C6orf163: variants seen among roughly 807,000 people sequenced by gnomAD.
The protein encoded by C6orf163 is chromosome 6 open reading frame 163, also known as uncharacterized protein C6orf163.
Under a neutral mutation model 28.4 loss-of-function variants are expected in C6orf163, and 22 were observed. That is an observed-to-expected ratio of 0.78 (90% CI 0.55 to 1.11). C6orf163 has a LOEUF of 1.11. Among genes scored for constraint, C6orf163 ranks in the 50% least tolerant of loss-of-function variants. The pLI is 0.00. For missense variants in C6orf163, 342 were observed against 389.1 expected, an observed-to-expected ratio of 0.88 and a Z score of 1.02; for synonymous variants, 110 against 123.6, an observed-to-expected ratio of 0.89 and a Z score of 0.73.
At position 87,365,049 on chromosome 6, in the gene C6orf163, C is replaced by G. The variant is rs1398940336; in HGVS notation, c.643C>G (p.His215Asp). 6 of 1,551,692 alleles carry G rather than the reference C, an allele frequency of 3.9e-6. No individual in the cohort carries two copies. The highest frequency in any genetic ancestry group is 3.3e-4 in the Middle Eastern group (2 of 5,994). Residue 215 changes from histidine to aspartate, a missense_variant, in exon 5 of 5, where the codon CAT becomes GAT. Coordinates refer to ENST00000388923, the MANE Select transcript of C6orf163 (RefSeq NM_001010868.3). ...GGCCCGACTGATGAGGGAAAAAGAACATGAAATGAGCATCCTCTATGGCAT... is the reference window on the plus strand; with the variant it reads ...GGCCCGACTGATGAGGGAAAAAGAAGATGAAATGAGCATCCTCTATGGCAT... Reference protein sequence around the residue: ...SVARLMREKEHEMSILYGIAQ... With the variant: ...SVARLMREKEDEMSILYGIAQ...
At chr6:87,356,730 G>T in intron 4 of C6orf163, 6 of 457,476 alleles carry the variant, frequency 1.3e-5, no homozygotes, top group Middle Eastern at 6.0e-4. Context: ...CCAGCTTAAG[G>T]GATTGAAAAT....
chr6:87,349,093 C>T (rs1777374006), intron 2 of C6orf163, among the ~76,000 whole-genome samples, 187 bp downstream of exon 2: 1 of 152,054 alleles, frequency 6.6e-6, no homozygotes, highest in Non-Finnish European at 1.5e-5. Flanking sequence ...ATAATAGTAC[C>T]CATTCTGTGG....
chr6:87,354,415 T>A (rs1428874763), intron 3 of C6orf163, among the ~76,000 whole-genome samples: 2 of 152,228 alleles, frequency 1.3e-5, no homozygotes, highest in African/African-American at 4.8e-5. Context: ...AAATGCCACA[T>A]GAAGTTTTTG....
In C6orf163 at chr6:87,364,962, A is replaced by G. The variant is rs1337541392; in HGVS notation, c.556A>G (p.Lys186Glu). 6.5e-7 allele frequency: 1 copy of G among 1,533,318 alleles called. No individual in the cohort carries two copies. The highest frequency in any genetic ancestry group is 8.8e-7 in the Non-Finnish European group (1 of 1,136,544). The allele number at this position is 1,533,318 out of a possible 1,614,324, so 95.0% of individuals were successfully genotyped here. A position where few individuals can be genotyped will look rare whatever the true frequency, so the allele number is the denominator to read the frequency against. ...ATAAATCCATATTATCTTTTGTAGCAAAGCCGTGGAGGAAATTGTGAATAC... is the reference window on the plus strand; with the variant it reads ...ATAAATCCATATTATCTTTTGTAGCGAAGCCGTGGAGGAAATTGTGAATAC... ...AQEAIQAQKSKAVEEIVNTGV... is the reference protein window; with the variant it reads ...AQEAIQAQKSEAVEEIVNTGV... The change falls in exon 5 of 5, where the codon AAA (lysine) becomes GAA (glutamate). Residue 186 changes from lysine (K) to glutamate (E), a missense_variant and splice_region_variant. Coordinates refer to ENST00000388923, the MANE Select transcript of C6orf163 (RefSeq NM_001010868.3).
Position 87,346,331 on chromosome 6 carries a change from A to G in C6orf163, c.148+1084A>G, listed in dbSNP as rs78357236. Among the ~76,000 whole-genome samples the G allele has an allele frequency of 9.5e-3, 1,442 of 152,300 alleles. 19 individuals carry two copies. The highest frequency in any genetic ancestry group is 0.033 in the African/African-American group (1,360 of 41,564). On this transcript the variant is annotated intron_variant, in intron 1 of 4. Coordinates refer to ENST00000388923, the MANE Select transcript of C6orf163 (RefSeq NM_001010868.3). ...TTGGAATCATCTTCTAAAAACATCA[A>G]TTCCAAAATTGTTTCTTAGCATTTA...
At chr6:87,358,927 G>A (rs1439025563) in intron 4 of C6orf163, among the ~76,000 whole-genome samples, 1 of 152,144 alleles carries the variant, frequency 6.6e-6, no homozygotes, top group African/African-American at 2.4e-5. Flanking sequence ...CCTTTATGAT[G>A]CCAAAGCTTA....
At chr6:87,356,836 A>G (rs1777510071) in intron 4 of C6orf163, 1 of 220,444 alleles carries the variant, frequency 4.5e-6, no homozygotes, top group African/African-American at 2.3e-5. Flanking sequence ...GGTATTTTTC[A>G]TTCTGTATCA....
chr6:87,345,331 T>C (rs1023428019), intron 1 of C6orf163, 84 bp downstream of exon 1: 1 of 1,334,480 alleles, frequency 7.5e-7, no homozygotes. Context: ...TTTTATCAGC[T>C]TTTTTCTCTT....
At chr6:87,358,758 T>C (rs1777542272) in intron 4 of C6orf163, among the ~76,000 whole-genome samples, 1 of 152,182 alleles carries the variant, frequency 6.6e-6, no homozygotes, top group African/African-American at 2.4e-5. Context: ...GCAAGGCCTT[T>C]TGTATACTCC....
chr6:87,362,877 C>G (rs999657394), intron 4 of C6orf163, among the ~76,000 whole-genome samples: 5 of 152,110 alleles, frequency 3.3e-5, no homozygotes, highest in African/African-American at 9.7e-5. Flanking sequence ...ATCTTAAAAC[C>G]TCAAATCTTT....
At chr6:87,345,750 C>T (rs967845205) in intron 1 of C6orf163, among the ~76,000 whole-genome samples, 10 of 151,596 alleles carry the variant, frequency 6.6e-5, no homozygotes, top group Non-Finnish European at 1.2e-4. Flanking sequence ...GGCGAAACCC[C>T]GTCTCTACTA....
chr6:87,350,355 C>T, intron 2 of C6orf163, 39 bp from the exon 3 acceptor site: 2 of 1,285,418 alleles, frequency 1.6e-6, no homozygotes, highest in Non-Finnish European at 2.2e-6. Context: ...TGTGCTTATT[C>T]TGATACATTA....
chr6:87,362,438 C>T (rs758168256), intron 4 of C6orf163, among the ~76,000 whole-genome samples: 5 of 152,156 alleles, frequency 3.3e-5, no homozygotes, highest in South Asian at 2.1e-4. Context: ...GATGGTGCCA[C>T]TGCACTCCAG....
In C6orf163 at chr6:87,356,512, G is replaced by C; in HGVS notation, c.554+9G>C. The C allele has an allele frequency of 6.4e-7, 1 of 1,550,688 alleles. No individual in the cohort carries two copies. The highest frequency in any genetic ancestry group is 1.4e-5 in the African/African-American group (1 of 73,110). ...ATCCAGGCCCAGAAAAGGTATTCCA[G>C]AGAACTCATTTACAAATTAGTAACT... On this transcript the variant is annotated intron_variant, in intron 4 of 4. Transcript: ENST00000388923.
Position 87,365,025 on chromosome 6 carries a change from G to C in C6orf163, c.619G>C (p.Ala207Pro), listed in dbSNP as rs1182307699. 11 of 1,551,676 alleles carry C rather than the reference G, an allele frequency of 7.1e-6. No homozygotes were observed. Among genetic ancestry groups the C allele is most frequent in the Non-Finnish European group, 9.6e-6 (11 of 1,146,958 alleles). The change falls in exon 5 of 5, where the codon GCC (alanine) becomes CCC (proline). Residue 207 changes from alanine (A) to proline (P), a missense_variant. Coordinates refer to ENST00000388923, the MANE Select transcript of C6orf163 (RefSeq NM_001010868.3). ...TATTAAGGATGAGAAGACCAGTGTGGCCCGACTGATGAGGGAAAAAGAACA... is the reference window on the plus strand; with the variant it reads ...TATTAAGGATGAGAAGACCAGTGTGCCCCGACTGATGAGGGAAAAAGAACA... ...TVIKDEKTSV[A>P]RLMREKEHEM...
rs1168261505 is a variant in C6orf163 at position 87,365,164 on chromosome 6, A to T, written c.758A>T (p.Lys253Ile). The change falls in exon 5 of 5, where the codon AAA becomes ATA. Residue 253 changes from lysine to isoleucine, a missense_variant. Coordinates refer to ENST00000388923, the MANE Select transcript of C6orf163 (RefSeq NM_001010868.3). Reference sequence around the variant, plus strand: ...GCCACTCTTGGCAATATGATGGATAAACTGGCTAACACCCAGGGGGAGCTG... The same window carrying T: ...GCCACTCTTGGCAATATGATGGATATACTGGCTAACACCCAGGGGGAGCTG... ...HQATLGNMMD[K>I]LANTQGELLS... The T allele has an allele frequency of 2.6e-6, 4 of 1,551,814 alleles. No individual in the cohort carries two copies.
chr6:87,361,527 A>G (rs1374936039), intron 4 of C6orf163, among the ~76,000 whole-genome samples: 1 of 152,182 alleles, frequency 6.6e-6, no homozygotes, highest in Non-Finnish European at 1.5e-5. Flanking sequence ...CCCACCTGGC[A>G]GGAAACTCAT....
At chr6:87,348,938 A>C (rs759227987) in intron 2 of C6orf163, 32 bp downstream of exon 2, 3 of 1,534,734 alleles carry the variant, frequency 2.0e-6, no homozygotes, top group Non-Finnish European at 2.6e-6. Context: ...CCTAAAGTCC[A>C]TCTTTACCGT....
chr6:87,348,774 C>T (rs371251573), intron 1 of C6orf163, 38 bp from the exon 2 acceptor site: 45 of 1,533,038 alleles, frequency 2.9e-5, no homozygotes, highest in Non-Finnish European at 3.3e-5. Context: ...AGGAAGCAGT[C>T]GGTGGAGGTT....
Sources: allele counts gnomAD v4.1 joint callset (sites outside exome capture counted in the v4.1 genomes callset), GRCh38; gene constraint gnomAD v4.1.1; transcripts MANE v1.5; gene names NCBI Gene and HGNC (gene_info 2026-07-23, HGNC 2026-07-21).